The following RAPGEF5 variants were observed in gnomAD, a reference collection of about 807,000 sequenced individuals.
RAPGEF5 encodes the protein Rap guanine nucleotide exchange factor 5, also known as M-Ras-regulated GEF.
A neutral mutation model predicts 125.2 loss-of-function variants in RAPGEF5; 65 were observed. The observed-to-expected ratio is 0.52, with a 90% confidence interval of 0.43 to 0.64. The LOEUF is 0.64. Among genes scored for constraint, RAPGEF5 ranks in the 30% least tolerant of loss-of-function variants. RAPGEF5 has a pLI of 0.00. For missense variants in RAPGEF5, 958 were observed against 1,048.1 expected, an observed-to-expected ratio of 0.91 and a Z score of 1.19; for synonymous variants, 391 against 385.9, an observed-to-expected ratio of 1.01 and a Z score of -0.16.
At chr7:22,285,357 C>T (rs572159007) in intron 6 of RAPGEF5, among the ~76,000 whole-genome samples, 3 of 152,278 alleles carry the variant, frequency 2.0e-5, no homozygotes, top group South Asian at 2.1e-4. Flanking sequence ...TTTCATTCAA[C>T]GAAGATTACC....
intron 5 of RAPGEF5, among the ~76,000 whole-genome samples, chr7:22,297,653 C>G (rs936398275): frequency 6.6e-6 from 1 of 152,226 alleles, no homozygotes; most frequent in African/African-American, 2.4e-5. Flanking sequence ...CCAGTGATGG[C>G]TGAAGAGAGA....
intron 6 of RAPGEF5, among the ~76,000 whole-genome samples, chr7:22,276,354 C>A: frequency 6.6e-6 from 1 of 152,110 alleles, no homozygotes; most frequent in East Asian, 1.9e-4. Flanking sequence ...TGTCTTACTA[C>A]GTCTTTTATT....
At chr7:22,174,759 A>G (rs1459640955) in intron 11 of RAPGEF5, among the ~76,000 whole-genome samples, 1 of 152,178 alleles carries the variant, frequency 6.6e-6, no homozygotes, top group Non-Finnish European at 1.5e-5. Context: ...GACAAGAGAG[A>G]TATGAGTTAA....
At chr7:22,280,781 G>A (rs17775115) in intron 6 of RAPGEF5, among the ~76,000 whole-genome samples, 2,822 of 152,092 alleles carry the variant, frequency 0.019, 43 homozygotes, top group Non-Finnish European at 0.025. Flanking sequence ...TTATGTCTGG[G>A]AATGTTTCTC....
chr7:22,309,867 T>C, intron 4 of RAPGEF5, 102 bp downstream of exon 4: 4 of 1,266,612 alleles, frequency 3.2e-6, no homozygotes, highest in Non-Finnish European at 3.2e-6. Flanking sequence ...TCTTCAAAAA[T>C]AATTTCCATC....
Position 22,253,697 on chromosome 7 carries a change from T to A in RAPGEF5, c.796+13267A>T, listed in dbSNP as rs370811419. On this transcript the variant is annotated intron_variant, in intron 7 of 25. Transcript: ENST00000665637. ...TAACTTAAATTTCTTCCAAAAAAAT[T>A]AAACACATATTATCAGAAAGGTAAA... Among the ~76,000 whole-genome samples, 373 of 152,270 alleles carry A rather than the reference T, an allele frequency of 2.4e-3. 5 individuals are homozygous for A. In the South Asian group the frequency reaches 0.025, roughly 10 times the overall value.
At chr7:22,197,028 A>C (rs1418337861) in intron 9 of RAPGEF5, among the ~76,000 whole-genome samples, 1 of 152,188 alleles carries the variant, frequency 6.6e-6, no homozygotes, top group Admixed American at 6.5e-5. Context: ...GGGGGAACCT[A>C]CGTACAGAGA....
chr7:22,350,864 T>G (rs1262619485), intron 1 of RAPGEF5, among the ~76,000 whole-genome samples: 1 of 152,170 alleles, frequency 6.6e-6, no homozygotes, highest in African/African-American at 2.4e-5. Context: ...CTAACACAGT[T>G]TTACACCAAG....
intron 20 of RAPGEF5, among the ~76,000 whole-genome samples, chr7:22,141,055 T>C (rs1783242929): frequency 6.6e-6 from 1 of 151,996 alleles, no homozygotes; most frequent in East Asian, 1.9e-4. Flanking sequence ...TCTCCACCAA[T>C]GTCTCACATG....
At chr7:22,250,080 T>C (rs1173314783) in intron 7 of RAPGEF5, among the ~76,000 whole-genome samples, 1 of 152,330 alleles carries the variant, frequency 6.6e-6, no homozygotes, top group East Asian at 1.9e-4. Flanking sequence ...TATGGTTCCT[T>C]ATCTCCAAAC....
At position 22,315,352 on chromosome 7, in the gene RAPGEF5, G is replaced by T. The variant is rs754765329; in HGVS notation, c.389+18C>A. The T allele has an allele frequency of 6.5e-7, 1 of 1,533,398 alleles. No individual in the cohort carries two copies. The highest frequency in any genetic ancestry group is 1.2e-5 in the South Asian group (1 of 82,712). 95.0% of individuals were successfully genotyped at this position (1,533,398 alleles called of 1,614,324 possible). On this transcript the variant is annotated intron_variant, in intron 3 of 25. Transcript: ENST00000665637. Reference sequence around the variant, plus strand: ...CCTCAAAGAGAATTTCTGACAAGGTGTTAGAAAACTGTGTTACCTGTAAAA... The same window carrying T: ...CCTCAAAGAGAATTTCTGACAAGGTTTTAGAAAACTGTGTTACCTGTAAAA...
At chr7:22,194,571 C>T (rs996138533) in intron 9 of RAPGEF5, 9 of 983,448 alleles carry the variant, frequency 9.2e-6, no homozygotes, top group Non-Finnish European at 9.7e-6. Context: ...ACTACCCACT[C>T]CATCATTCAA....
At chr7:22,126,514 T>G (rs1782750570) in intron 24 of RAPGEF5, among the ~76,000 whole-genome samples, 1 of 152,244 alleles carries the variant, frequency 6.6e-6, no homozygotes, top group African/African-American at 2.4e-5. Flanking sequence ...ATGTGCTGAA[T>G]GGAGGTAGGA....
chr7:22,232,843 A>T (rs1489486123), intron 7 of RAPGEF5, among the ~76,000 whole-genome samples: 1 of 152,170 alleles, frequency 6.6e-6, no homozygotes, highest in Non-Finnish European at 1.5e-5. Context: ...CTTATATAAT[A>T]AGCTACTTCT....
At chr7:22,348,194 A>C (rs1784261505) in intron 1 of RAPGEF5, among the ~76,000 whole-genome samples, 1 of 152,210 alleles carries the variant, frequency 6.6e-6, no homozygotes, top group South Asian at 2.1e-4. Context: ...TTGCTGTGCT[A>C]TCTTTTGATT....
chr7:22,212,357 C>T (rs895946492), intron 9 of RAPGEF5, among the ~76,000 whole-genome samples: 6 of 152,284 alleles, frequency 3.9e-5, no homozygotes, highest in Middle Eastern at 3.4e-3. Context: ...CTGTCTCTCT[C>T]TCTCTCTCAG....
intron 11 of RAPGEF5, among the ~76,000 whole-genome samples, chr7:22,177,723 T>G (rs752262834): frequency 6.6e-6 from 1 of 152,186 alleles, no homozygotes; most frequent in Non-Finnish European, 1.5e-5. Flanking sequence ...GCACTGAGGC[T>G]GAGATGAATA....
At chr7:22,200,973 GCA>G (rs1299853849) in intron 9 of RAPGEF5, among the ~76,000 whole-genome samples, 2 of 152,182 alleles carry the variant, frequency 1.3e-5, no homozygotes. Flanking sequence ...GCAGGAAAAT[GCA>G]CACTCAGCAA....
chr7:22,275,301 C>T (rs540141042), intron 6 of RAPGEF5, among the ~76,000 whole-genome samples: 5 of 152,294 alleles, frequency 3.3e-5, no homozygotes, highest in Admixed American at 2.0e-4. Context: ...TTTATAAGCC[C>T]GCTGAAATGG....
Sources: gnomAD v4.1 joint callset for allele counts (sites outside exome capture counted in the v4.1 genomes callset) on GRCh38, gnomAD v4.1.1 for gene constraint, MANE v1.5 for transcripts, NCBI Gene and HGNC (gene_info 2026-07-23, HGNC 2026-07-21) for gene names.